Variants in LETM1 observed in about 807,000 individuals in gnomAD.
LETM1 encodes leucine zipper and EF-hand containing transmembrane protein 1.
Under a neutral mutation model 74.5 loss-of-function variants are expected in LETM1, and 50 were observed. The ratio of observed to expected loss-of-function variants is 0.67; its 90% CI spans 0.53 to 0.85. The LOEUF is 0.85. LETM1 is among the 40% of genes least tolerant of loss of function. LETM1 has a pLI of 0.00. For missense variants in LETM1, 824 were observed against 967.8 expected, an observed-to-expected ratio of 0.85 and a Z score of 1.97; for synonymous variants, 446 against 407.1, an observed-to-expected ratio of 1.10 and a Z score of -1.15.
chr4:1,848,853 G>A (rs544536539), intron 2 of LETM1, among the ~76,000 whole-genome samples: 1 of 152,022 alleles, frequency 6.6e-6, no homozygotes, highest in Admixed American at 6.5e-5. Flanking sequence ...CACTCCAACT[G>A]GGAGTCCAAC....
chr4:1,827,274 C>CTTT (rs759264558), intron 6 of LETM1, among the ~76,000 whole-genome samples: 1 of 103,734 alleles, frequency 9.6e-6, no homozygotes, highest in Admixed American at 9.5e-5. Context: ...ATTGACAGTT[C>CTTT]TTTTTTTTTT....
At chr4:1,822,686 C>T (rs542473511) in intron 9 of LETM1, 63 of 353,044 alleles carry the variant, frequency 1.8e-4, no homozygotes, top group Admixed American at 5.2e-4. Context: ...CCTCTGCCAG[C>T]GCCCCTCACA....
intron 10 of LETM1, 103 bp downstream of exon 10, chr4:1,822,078 A>C: frequency 6.0e-6 from 7 of 1,174,438 alleles, no homozygotes; most frequent in Non-Finnish European, 6.7e-6. Flanking sequence ...ACTGAGGGCT[A>C]TAGATGCCCC....
chr4:1,819,168 G>C (rs1008633159), intron 11 of LETM1, among the ~76,000 whole-genome samples, 170 bp downstream of exon 11: 2 of 152,008 alleles, frequency 1.3e-5, no homozygotes, highest in Admixed American at 1.3e-4. Context: ...AGCCGGAATG[G>C]CTGTGGAAAG....
chr4:1,814,225 G>T lies in LETM1; in HGVS notation c.*199C>A. On this transcript the variant is annotated 3_prime_UTR_variant, in exon 14 of 14. Coordinates refer to ENST00000302787, the MANE Select transcript of LETM1 (RefSeq NM_012318.3). ...ACAGTGTGGATCCAGACACGATTCT[G>T]TGGAGGGGTTCCGGGATTCCAGACA... The T allele has an allele frequency of 1.2e-6, 1 of 864,056 alleles. No individual in the cohort carries two copies. Among genetic ancestry groups the T allele is most frequent in the Non-Finnish European group, 1.8e-6 (1 of 563,252 alleles). The allele number at this position is 864,056 out of a possible 1,614,324, so 53.5% of individuals were successfully genotyped here.
chr4:1,817,573 A>C (rs751619405), intron 11 of LETM1, among the ~76,000 whole-genome samples: 40 of 152,170 alleles, frequency 2.6e-4, no homozygotes, highest in Non-Finnish European at 4.1e-4. Flanking sequence ...ACAACAACAA[A>C]AAAAGGTAAT....
At chr4:1,827,917 G>T (rs1179861980) in intron 6 of LETM1, among the ~76,000 whole-genome samples, 1 of 149,202 alleles carries the variant, frequency 6.7e-6, no homozygotes, top group Non-Finnish European at 1.5e-5. Flanking sequence ...GCTGGGCGGG[G>T]GGCTGACCCC....
At chr4:1,846,773 G>A (rs1577326729) in intron 2 of LETM1, 1 of 152,120 alleles carries the variant, frequency 6.6e-6, no homozygotes, top group South Asian at 2.1e-4. Context: ...TCTGGCTACT[G>A]AGCTAAGAAA....
chr4:1,829,351 C>A (rs1350810443), intron 6 of LETM1, among the ~76,000 whole-genome samples: 1 of 148,382 alleles, frequency 6.7e-6, no homozygotes, highest in South Asian at 2.1e-4. Context: ...GGAGGGCTGA[C>A]CCCCCCACCT....
chr4:1,848,405 G>A (rs185703421), intron 2 of LETM1, among the ~76,000 whole-genome samples: 191 of 151,998 alleles, frequency 1.3e-3, no homozygotes, highest in African/African-American at 4.4e-3. Flanking sequence ...AAAATTAGCC[G>A]GGCGTGGTGG....
chr4:1,828,014 A>C (rs1278141210), intron 6 of LETM1, among the ~76,000 whole-genome samples: 5,245 of 111,608 alleles, frequency 0.047, 510 homozygotes, highest in African/African-American at 0.2. Flanking sequence ...GCGCCCCCCA[A>C]CCCGGACGGG....
At chr4:1,850,287 C>G (rs1440095959) in intron 1 of LETM1, among the ~76,000 whole-genome samples, 1 of 152,106 alleles carries the variant, frequency 6.6e-6, no homozygotes, top group Non-Finnish European at 1.5e-5. Flanking sequence ...GTTATGAAAA[C>G]AGTATCTCAA....
At chr4:1,822,048 C>G in intron 10 of LETM1, 133 bp downstream of exon 10, 6 of 944,424 alleles carry the variant, frequency 6.4e-6, no homozygotes, top group Non-Finnish European at 8.6e-6. Flanking sequence ...CATCCTCAAC[C>G]CCTTGCACCA....
intron 2 of LETM1, among the ~76,000 whole-genome samples, chr4:1,848,827 C>G (rs1712972666): frequency 6.6e-6 from 1 of 151,558 alleles, no homozygotes; most frequent in Non-Finnish European, 1.5e-5. Flanking sequence ...ACTTTGAGGG[C>G]ACAGTTGCCA....
intron 2 of LETM1, chr4:1,843,308 G>A (rs1712768907): frequency 6.5e-6 from 1 of 153,170 alleles, no homozygotes; most frequent in Admixed American, 6.5e-5. Context: ...TGCAGCCTCG[G>A]AGAAGCCACC....
At chr4:1,814,597 G>A in intron 13 of LETM1, 24 bp from the exon 14 acceptor site, 1 of 1,606,432 alleles carries the variant, frequency 6.2e-7, no homozygotes, top group Non-Finnish European at 8.5e-7. Flanking sequence ...AAAGGGAGAG[G>A]CTCAGGTGGC....
chr4:1,834,315 T>C lies in LETM1; in HGVS notation c.876+530A>G, dbSNP rs1712387877. ...CAACACCGGCCTCGTGAACCCCATCTAGTCCTCAGGGATCTCGGTCCGTGG... is the reference window on the plus strand; with the variant it reads ...CAACACCGGCCTCGTGAACCCCATCCAGTCCTCAGGGATCTCGGTCCGTGG... On this transcript the variant is annotated intron_variant, in intron 5 of 13. Coordinates refer to ENST00000302787, the MANE Select transcript of LETM1 (RefSeq NM_012318.3). This position sits in a 1 kb window ranked among gnomAD's most constrained non-coding sequence, Gnocchi z 5.0. The C allele has an allele frequency of 1.1e-6, 1 of 878,708 alleles. No individual in the cohort carries two copies. The highest frequency in any genetic ancestry group is 1.4e-6 in the Non-Finnish European group (1 of 732,130). The allele number at this position is 878,708 out of a possible 1,614,324, so 54.4% of individuals were successfully genotyped here.
intron 2 of LETM1, 98 bp from the exon 3 acceptor site, chr4:1,841,895 T>A: frequency 1.2e-6 from 1 of 839,488 alleles, no homozygotes; most frequent in Non-Finnish European, 1.9e-6. Context: ...ACATGCCCCG[T>A]GCCATGCCAT....
intron 6 of LETM1, among the ~76,000 whole-genome samples, chr4:1,828,844 G>A (rs1712136428): frequency 8.6e-6 from 1 of 116,762 alleles, no homozygotes; most frequent in South Asian, 2.8e-4. Flanking sequence ...CGGACGGGGC[G>A]GCTGGCCGGG....
Sources: gnomAD v4.1 joint callset for allele counts (sites outside exome capture counted in the v4.1 genomes callset) on GRCh38, gnomAD v4.1.1 for gene constraint, Gnocchi (gnomAD v3.1) non-coding constraint, MANE v1.5 for transcripts, NCBI Gene and HGNC (gene_info 2026-07-23, HGNC 2026-07-21) for gene names.